The following NTSR1 variants were observed in gnomAD, a reference collection of about 807,000 sequenced individuals.
NTSR1 encodes neurotensin receptor type 1.
NTSR1 carries 29 observed loss-of-function variants against 31.2 expected under a neutral mutation model. The observed-to-expected ratio is 0.93, with a 90% CI of 0.69 to 1.27. The LOEUF (loss-of-function observed/expected upper bound fraction) is 1.27, where lower values mean the gene tolerates loss of function less well. Among genes scored for constraint, NTSR1 ranks in the 50% most tolerant of loss-of-function variants. The probability of loss-of-function intolerance (pLI) is 0.00; values close to 1 mark genes in which losing one functional copy is unlikely to be tolerated. For missense variants in NTSR1, 697 were observed against 595.4 expected, an observed-to-expected ratio of 1.17 and a Z score of -1.78; for synonymous variants, 282 against 269.9, an observed-to-expected ratio of 1.04 and a Z score of -0.44.
rs771598068 is a variant in NTSR1, at chr20:62,760,318, C to T, written c.*51C>T. On this transcript the variant is annotated 3_prime_UTR_variant, in exon 4 of 4. Transcript: ENST00000370501. ...GAGGAGCCTGGCCATGGGTCCTTGCCCCCGACAGACAGAGCAGCCCCCACC... is the reference window on the plus strand; with the variant it reads ...GAGGAGCCTGGCCATGGGTCCTTGCTCCCGACAGACAGAGCAGCCCCCACC... The T allele has an allele frequency of 6.4e-7, 1 of 1,550,712 alleles. No homozygotes were observed. The highest frequency in any genetic ancestry group is 8.7e-7 in the Non-Finnish European group (1 of 1,148,458).
intron 1 of NTSR1, among the ~76,000 whole-genome samples, chr20:62,729,494 A>C (rs1219471250): frequency 1.3e-5 from 2 of 152,184 alleles, no homozygotes; most frequent in Non-Finnish European, 2.9e-5. Context: ...ACACAGGTGT[A>C]GCTCAGAGCC....
chr20:62,731,998 A>G (rs1989008592), intron 1 of NTSR1, among the ~76,000 whole-genome samples: 1 of 152,102 alleles, frequency 6.6e-6, no homozygotes, highest in Non-Finnish European at 1.5e-5. Flanking sequence ...CAGGTGCCTG[A>G]AATCCCAAGT....
rs552846115 is a variant in NTSR1, at chr20:62,760,136, C to G, written c.1126C>G (p.Leu376Val). ...CTCTGCCAACTTCCGCCACATCTTCCTGGCCACACTGGCCTGCCTCTGCCC... is the reference window on the plus strand; with the variant it reads ...CTCTGCCAACTTCCGCCACATCTTCGTGGCCACACTGGCCTGCCTCTGCCC... ...LVSANFRHIFLATLACLCPVW... is the reference protein window; with the variant it reads ...LVSANFRHIFVATLACLCPVW... Residue 376 changes from leucine to valine, a missense_variant, in exon 4 of 4, where the codon CTG (leucine) becomes GTG (valine). By Grantham distance (32) the Leu-to-Val change is conservative. Transcript: ENST00000370501. The G allele has an allele frequency of 6.2e-7, 1 of 1,614,208 alleles. No homozygotes were observed. Among genetic ancestry groups the G allele is most frequent in the Non-Finnish European group, 8.5e-7 (1 of 1,180,040 alleles).
intron 1 of NTSR1, among the ~76,000 whole-genome samples, chr20:62,734,101 G>A (rs888414158): frequency 2.6e-5 from 4 of 152,128 alleles, no homozygotes; most frequent in Admixed American, 1.3e-4. Flanking sequence ...TCGAGTCTGC[G>A]CTTCTCATCC....
At chr20:62,728,434 C>T (rs758691650) in intron 1 of NTSR1, among the ~76,000 whole-genome samples, 10 of 152,134 alleles carry the variant, frequency 6.6e-5, no homozygotes, top group South Asian at 2.1e-4. Context: ...CAGACGTCCC[C>T]GCAGGAGGGG....
intron 1 of NTSR1, among the ~76,000 whole-genome samples, chr20:62,734,066 G>A (rs1423600580): frequency 6.6e-6 from 1 of 152,206 alleles, no homozygotes; most frequent in Non-Finnish European, 1.5e-5. Flanking sequence ...CACACGGCTG[G>A]GGCCGGCGGC....
intron 1 of NTSR1, among the ~76,000 whole-genome samples, chr20:62,723,746 C>G (rs1244629858): frequency 6.6e-6 from 1 of 152,236 alleles, no homozygotes; most frequent in Non-Finnish European, 1.5e-5. Flanking sequence ...TGAAGCTCCT[C>G]TCTCTGGCCT....
intron 1 of NTSR1, among the ~76,000 whole-genome samples, chr20:62,710,959 G>A (rs149123987): frequency 5.9e-5 from 9 of 152,248 alleles, no homozygotes; most frequent in African/African-American, 2.2e-4. Context: ...GTGGCTGGCT[G>A]TCCCCCCAAC....
chr20:62,742,343 G>A lies in NTSR1; in HGVS notation c.715-12342G>A, dbSNP rs912207673. Among the ~76,000 whole-genome samples, 1 of 149,382 alleles carries A rather than the reference G, an allele frequency of 6.7e-6. No homozygotes were observed. Among genetic ancestry groups the A allele is most frequent in the African/African-American group, 2.5e-5 (1 of 39,922 alleles). On this transcript the variant is annotated intron_variant, in intron 1 of 3. Transcript: ENST00000370501. The surrounding 1 kb of genome is among the most constrained non-coding windows in gnomAD (Gnocchi z 7.1). ...CAGGTCTGTGGTCACTGCTGACCAC[G>A]CGGCAATGTACGGCTTTCCAGGCCC...
At chr20:62,734,300 CAA>C (rs143622816) in intron 1 of NTSR1, among the ~76,000 whole-genome samples, 4 of 137,980 alleles carry the variant, frequency 2.9e-5, no homozygotes, top group Admixed American at 7.2e-5. Context: ...CCCTTCCCCG[CAA>C]AAAAAAAAAA....
intron 1 of NTSR1, among the ~76,000 whole-genome samples, chr20:62,723,044 A>T (rs1988848638): frequency 6.6e-6 from 1 of 152,238 alleles, no homozygotes; most frequent in Non-Finnish European, 1.5e-5. Flanking sequence ...GAGCAACATT[A>T]TTTGGACTTA....
rs377354926 is a variant in NTSR1, at chr20:62,754,891, G to A, written c.916+5G>A. 1.8e-5 allele frequency: 29 copies of A among 1,589,732 alleles called. No homozygotes were observed. The highest frequency in any genetic ancestry group is 5.2e-5 in the Admixed American group (3 of 58,180). ...GGCACGGCGTGCGCGTCCTACGTACGTAACCTCTGGGCCCTCCAGGGGCGG... is the reference window on the plus strand; with the variant it reads ...GGCACGGCGTGCGCGTCCTACGTACATAACCTCTGGGCCCTCCAGGGGCGG... On this transcript the variant is annotated splice_donor_5th_base_variant and intron_variant, in intron 2 of 3. Transcript: ENST00000370501.
intron 1 of NTSR1, among the ~76,000 whole-genome samples, chr20:62,728,066 A>C (rs561390301): frequency 1.3e-4 from 20 of 151,946 alleles, no homozygotes; most frequent in African/African-American, 4.6e-4. Flanking sequence ...CTGGCTCTTT[A>C]CTCCCCCTCC....
At chr20:62,726,798 C>A (rs903181208) in intron 1 of NTSR1, among the ~76,000 whole-genome samples, 4 of 152,270 alleles carry the variant, frequency 2.6e-5, no homozygotes, top group Non-Finnish European at 5.9e-5. Context: ...GCACAGGCAC[C>A]TAAGACAAGC....
rs1260548689 is a variant in NTSR1 at position 62,761,512 on chromosome 20, C to G, written c.*1245C>G. 1 of 152,216 alleles carries G rather than the reference C, an allele frequency of 6.6e-6. No individual in the cohort carries two copies. The highest frequency in any genetic ancestry group is 1.5e-5 in the Non-Finnish European group (1 of 68,048). 9.4% of individuals were successfully genotyped at this position (152,216 alleles called of 1,614,324 possible). ...CCAGGCCCCTGGCTTAAGAAGGTCG[C>G]CTAAGCCTAAGAGAAGACAGTCCCA... is the stretch of plus-strand genomic sequence containing the variant. On this transcript the variant is annotated 3_prime_UTR_variant, in exon 4 of 4. Coordinates refer to ENST00000370501, the MANE Select transcript of NTSR1 (RefSeq NM_002531.3).
At chr20:62,753,010 G>A (rs1411516621) in intron 1 of NTSR1, among the ~76,000 whole-genome samples, 1 of 152,192 alleles carries the variant, frequency 6.6e-6, no homozygotes, top group Non-Finnish European at 1.5e-5. Context: ...CAGGTGGCAC[G>A]AGCAAGGGGC....
chr20:62,759,066 A>G (rs1182770222), intron 3 of NTSR1, among the ~76,000 whole-genome samples: 1 of 152,192 alleles, frequency 6.6e-6, no homozygotes, highest in African/African-American at 2.4e-5. Flanking sequence ...CCATCCTGAG[A>G]TGGCAGCTTG....
Position 62,741,995 on chromosome 20 carries a change from C to T in NTSR1, c.715-12690C>T, listed in dbSNP as rs1433263249. On this transcript the variant is annotated intron_variant, in intron 1 of 3. Transcript: ENST00000370501. This position sits in a 1 kb window ranked among gnomAD's most constrained non-coding sequence, Gnocchi z 4.3. ...TGAGACCTGTGTGCCTGAGGTGGTG[C>T]ACACAGAGTATGTGTAGACCCCAGG... 6.7e-6 allele frequency among the ~76,000 whole-genome samples: 1 copy of T among 149,468 alleles called. No homozygotes were observed. The highest frequency in any genetic ancestry group is 1.5e-5 in the Non-Finnish European group (1 of 68,028).
chr20:62,729,203 C>G (rs887527208), intron 1 of NTSR1, among the ~76,000 whole-genome samples: 4 of 152,212 alleles, frequency 2.6e-5, no homozygotes, highest in Non-Finnish European at 5.9e-5. Context: ...GAGTGGCTAT[C>G]TGCATGGTCA....
Sources: gnomAD v4.1 joint callset for allele counts (sites outside exome capture counted in the v4.1 genomes callset) on GRCh38, gnomAD v4.1.1 for gene constraint, Gnocchi (gnomAD v3.1) non-coding constraint, MANE v1.5 for transcripts, NCBI Gene and HGNC (gene_info 2026-07-23, HGNC 2026-07-21) for gene names.